Variants in ATP8B1 observed in about 807,000 individuals in gnomAD.
ATP8B1 encodes ATPase phospholipid transporting 8B1.
A neutral mutation model predicts 149.9 loss-of-function variants in ATP8B1; 80 were observed. The ratio of observed to expected loss-of-function variants is 0.53; its 90% CI spans 0.45 to 0.64. The LOEUF (loss-of-function observed/expected upper bound fraction) is 0.64, where lower values mean the gene tolerates loss of function less well. Among genes scored for constraint, ATP8B1 ranks in the 30% least tolerant of loss-of-function variants. The pLI is 0.00. For synonymous variants in ATP8B1, 536 were observed against 562.8 expected, an observed-to-expected ratio of 0.95 and a Z score of 0.67; for missense variants, 1,247 against 1,552.6, an observed-to-expected ratio of 0.80 and a Z score of 3.31.
chr18:57,675,608 A>AGG (rs1911540643), intron 15 of ATP8B1, among the ~76,000 whole-genome samples: 1 of 152,152 alleles, frequency 6.6e-6, no homozygotes, highest in South Asian at 2.1e-4. Context: ...TATGTTGTCC[A>AGG]GGCTGCTCTT....
intron 20 of ATP8B1, among the ~76,000 whole-genome samples, chr18:57,663,691 C>T (rs1289610746): frequency 6.6e-6 from 1 of 151,394 alleles, no homozygotes; most frequent in Non-Finnish European, 1.5e-5. Flanking sequence ...GATGATGAGC[C>T]TCCTTTCACA....
At chr18:57,734,273 T>A (rs1361813210) in intron 1 of ATP8B1, among the ~76,000 whole-genome samples, 1 of 152,152 alleles carries the variant, frequency 6.6e-6, no homozygotes, top group Non-Finnish European at 1.5e-5. Flanking sequence ...CACTGCAACC[T>A]CTGCCTCCCA....
At chr18:57,684,687 C>T (rs1345819472) in intron 14 of ATP8B1, among the ~76,000 whole-genome samples, 2 of 152,138 alleles carry the variant, frequency 1.3e-5, no homozygotes, top group African/African-American at 4.8e-5. Context: ...TATGTTCCCC[C>T]AAAAGATATG....
At position 57,706,811 on chromosome 18, in the gene ATP8B1, GAC is replaced by G. The variant is rs1213863526; in HGVS notation, c.182-226_182-225del. Among the ~76,000 whole-genome samples, 4 of 152,260 alleles carry G rather than the reference GAC, an allele frequency of 2.6e-5. No individual in the cohort carries two copies. In the East Asian group the frequency reaches 7.7e-4, roughly 29 times the overall value. ...ATACCTTTACAAAAAGGGAAATTTG[GAC>G]ACAGAGATAGATGGAAGACGATGCG... On this transcript the variant is annotated intron_variant, in intron 2 of 27. Coordinates refer to ENST00000648908, the MANE Select transcript of ATP8B1 (RefSeq NM_001374385.1).
At chr18:57,770,996 G>T (rs2123372586) in intron 1 of ATP8B1, among the ~76,000 whole-genome samples, 1 of 152,286 alleles carries the variant, frequency 6.6e-6, no homozygotes, top group Admixed American at 6.5e-5. Context: ...CCTGATAGCT[G>T]GGATTACAGG....
intron 2 of ATP8B1, among the ~76,000 whole-genome samples, chr18:57,709,015 A>G (rs1913559184): frequency 6.6e-6 from 1 of 152,202 alleles, no homozygotes; most frequent in South Asian, 2.1e-4. Context: ...GCCTGGAGAA[A>G]GTAACCAGTA....
In ATP8B1 at chr18:57,654,028, G is replaced by C. The variant is rs1909820062; in HGVS notation, c.2979C>G (p.Thr993=). ...WFITLYNVLY[T]SLPVLLMGLL... Reference sequence around the variant, plus strand: ...GCCCCATGAGGAGCACGGGCAGGCTGGTGTACAGCACGTTGTAGAGGGTGA... The same window carrying C: ...GCCCCATGAGGAGCACGGGCAGGCTCGTGTACAGCACGTTGTAGAGGGTGA... Residue 993 remains threonine, a synonymous_variant, in exon 24 of 28, where the codon ACC becomes ACG. Transcript: ENST00000648908. 1 of 1,614,028 alleles carries C rather than the reference G, an allele frequency of 6.2e-7. No homozygotes were observed. The highest frequency in any genetic ancestry group is 2.2e-5 in the East Asian group (1 of 44,872).
chr18:57,729,134 G>A (rs1265041506), intron 2 of ATP8B1, among the ~76,000 whole-genome samples: 1 of 152,148 alleles, frequency 6.6e-6, no homozygotes, highest in African/African-American at 2.4e-5. Flanking sequence ...AGGCAGAGTT[G>A]TAAAAAAACA....
chr18:57,699,077 G>A (rs2122922326), intron 6 of ATP8B1, among the ~76,000 whole-genome samples: 1 of 152,314 alleles, frequency 6.6e-6, no homozygotes, highest in Non-Finnish European at 1.5e-5. Flanking sequence ...TCAGTAATGA[G>A]TTGTTTTTTG....
chr18:57,729,476 T>C (rs1375357324), intron 2 of ATP8B1, among the ~76,000 whole-genome samples: 1 of 152,136 alleles, frequency 6.6e-6, no homozygotes, highest in Admixed American at 6.6e-5. Flanking sequence ...AGTTCACCAA[T>C]ATCCAGTCTG....
chr18:57,673,411 G>A (rs1448537918), intron 16 of ATP8B1, among the ~76,000 whole-genome samples: 2 of 152,024 alleles, frequency 1.3e-5, no homozygotes, highest in African/African-American at 2.4e-5. Flanking sequence ...ACATTGCACT[G>A]TATATATAAG....
rs77160971 is a variant in ATP8B1 at position 57,684,365 on chromosome 18, C to A, written c.1474-173G>T. Among the ~76,000 whole-genome samples, 1,010 of 151,284 alleles carry A rather than the reference C, an allele frequency of 6.7e-3. 7 individuals are homozygous for A. The highest frequency in any genetic ancestry group is 0.022 in the African/African-American group (901 of 40,776). ...AACTGTCTTAAATAAAAAGCTCCCC[C>A]CCTTTTTTTTTTTGGAAACATATAT... On this transcript the variant is annotated intron_variant, in intron 14 of 27. Coordinates refer to ENST00000648908, the MANE Select transcript of ATP8B1 (RefSeq NM_001374385.1).
At chr18:57,799,812 A>G (rs1467664778) in intron 1 of ATP8B1, among the ~76,000 whole-genome samples, 1 of 152,174 alleles carries the variant, frequency 6.6e-6, no homozygotes, top group Non-Finnish European at 1.5e-5. Context: ...ATATGCTTTC[A>G]GAATCTTCCT....
intron 1 of ATP8B1, among the ~76,000 whole-genome samples, chr18:57,773,309 G>A (rs922578885): frequency 4.6e-5 from 7 of 151,970 alleles, no homozygotes; most frequent in Non-Finnish European, 7.4e-5. Flanking sequence ...AGTCCTTACT[G>A]TCCTCTGGCA....
rs150194818 is a variant in ATP8B1, at chr18:57,647,060, A to G, written c.*1428T>C. ...TAACCTTTTCTCTCGACATAAGACA[A>G]GTGAAAAAGAGTGAGGTCTTTGTTC... On this transcript the variant is annotated 3_prime_UTR_variant, in exon 28 of 28. Coordinates refer to ENST00000648908, the MANE Select transcript of ATP8B1 (RefSeq NM_001374385.1). 1.8e-3 allele frequency: 273 copies of G among 152,370 alleles called. 3 individuals are homozygous for G. The highest frequency in any genetic ancestry group is 6.1e-3 in the African/African-American group (252 of 41,592). The allele number at this position is 152,370 out of a possible 1,614,324, so 9.4% of individuals were successfully genotyped here.
Position 57,694,576 on chromosome 18 carries a change from A to C in ATP8B1, c.1029+6T>G. 12 of 1,526,016 alleles carry C rather than the reference A, an allele frequency of 7.9e-6. No homozygotes were observed. Among genetic ancestry groups the C allele is most frequent in the Non-Finnish European group, 1.1e-5 (12 of 1,100,576 alleles). The allele number at this position is 1,526,016 out of a possible 1,614,324, so 94.5% of individuals were successfully genotyped here. A position where few individuals can be genotyped will look rare whatever the true frequency, so the allele number is the denominator to read the frequency against. On this transcript the variant is annotated splice_donor_region_variant and intron_variant, in intron 11 of 27. Coordinates refer to ENST00000648908, the MANE Select transcript of ATP8B1 (RefSeq NM_001374385.1). ...TGAGAGATCTACTGAGATGAAAAAT[A>C]AATACCGTGTAAACCATGTAGTTCA...
intron 1 of ATP8B1, among the ~76,000 whole-genome samples, chr18:57,782,427 G>A (rs1475019451): frequency 3.3e-5 from 5 of 152,028 alleles, no homozygotes; most frequent in South Asian, 2.1e-4. Flanking sequence ...TTTATTATGC[G>A]TGTAGGCATC....
intron 26 of ATP8B1, among the ~76,000 whole-genome samples, chr18:57,651,800 T>C (rs369298568): frequency 0.079 from 12,000 of 151,320 alleles, 631 homozygotes; most frequent in Non-Finnish European, 0.11. Flanking sequence ...CCTGGCTAAT[T>C]TTTTTGTATT....
At chr18:57,765,453 A>G (rs924979393) in intron 1 of ATP8B1, among the ~76,000 whole-genome samples, 1 of 152,156 alleles carries the variant, frequency 6.6e-6, no homozygotes, top group African/African-American at 2.4e-5. Context: ...GCGGATCACA[A>G]GGTCAGGAGT....
Sources: gnomAD v4.1 joint callset for allele counts (sites outside exome capture counted in the v4.1 genomes callset) on GRCh38, gnomAD v4.1.1 for gene constraint, MANE v1.5 for transcripts, NCBI Gene and HGNC (gene_info 2026-07-23, HGNC 2026-07-21) for gene names.